Variants in THYN1 observed in about 807,000 individuals in gnomAD.
THYN1 encodes thymocyte nuclear protein 1.
THYN1 carries 32 observed loss-of-function variants against 30.6 expected under a neutral mutation model. The ratio of observed to expected loss-of-function variants is 1.05; its 90% confidence interval spans 0.79 to 1.40. The LOEUF is 1.40. THYN1 is among the 40% of genes most tolerant of loss of function. THYN1 has a pLI of 0.00. For missense variants in THYN1, 259 were observed against 272.6 expected, an observed-to-expected ratio of 0.95 and a Z score of 0.35; for synonymous variants, 107 against 90.8, an observed-to-expected ratio of 1.18 and a Z score of -1.01.
Position 134,253,009 on chromosome 11 carries a change from T to G in THYN1, c.-127A>C. The G allele has an allele frequency of 6.9e-7, 1 of 1,450,724 alleles. No individual in the cohort carries two copies. The highest frequency in any genetic ancestry group is 1.5e-5 in the South Asian group (1 of 68,322). 89.9% of individuals were successfully genotyped at this position (1,450,724 alleles called of 1,614,324 possible). On this transcript the variant is annotated 5_prime_UTR_variant, in exon 1 of 7. Coordinates refer to ENST00000341541, the MANE Select transcript of THYN1 (RefSeq NM_014174.3). Reference sequence around the variant, plus strand: ...GCAACGAGAGGCAGCCTAGAACGTCTCCAACTTTTGCGAAACACAGACGCC... The same window carrying G: ...GCAACGAGAGGCAGCCTAGAACGTCGCCAACTTTTGCGAAACACAGACGCC...
At chr11:134,251,071 T>C (rs1437636255) in intron 2 of THYN1, 59 bp downstream of exon 2, 6 of 1,513,498 alleles carry the variant, frequency 4.0e-6, no homozygotes, top group South Asian at 3.9e-5. Context: ...TGGTGTCCCA[T>C]ATTCACTTCT....
rs1002498162 is a variant in THYN1 at position 134,253,100 on chromosome 11, C to T, written c.-218G>A. On this transcript the variant is annotated 5_prime_UTR_variant, in exon 1 of 7. Transcript: ENST00000341541. ...CATTTCCATCTCGCATAACCTGCCC[C>T]TAAACTCTTCTCGGTTCTGTCCTTG... The T allele has an allele frequency of 6.5e-6, 9 of 1,382,208 alleles. No homozygotes were observed. The highest frequency in any genetic ancestry group is 6.0e-5 in the African/African-American group (4 of 67,222). The allele number at this position is 1,382,208 out of a possible 1,614,324, so 85.6% of individuals were successfully genotyped here. A position where few individuals can be genotyped will look rare whatever the true frequency, so the allele number is the denominator to read the frequency against.
chr11:134,250,631 C>A (rs950957843), intron 2 of THYN1, among the ~76,000 whole-genome samples: 2 of 152,170 alleles, frequency 1.3e-5, no homozygotes, highest in Non-Finnish European at 2.9e-5. Flanking sequence ...TATAATAGTT[C>A]TGCTTATATT....
chr11:134,250,409 G>A (rs1319686629), intron 2 of THYN1, 66 bp from the exon 3 acceptor site: 21 of 1,570,664 alleles, frequency 1.3e-5, no homozygotes. Flanking sequence ...ACATATGGAA[G>A]CAGACAGTTC....
At chr11:134,249,089 T>C in intron 5 of THYN1, 78 bp downstream of exon 5, 1 of 1,551,548 alleles carries the variant, frequency 6.4e-7, no homozygotes, top group Non-Finnish European at 8.8e-7. Flanking sequence ...CCGTGTACCT[T>C]GACCTACAGT....
At position 134,251,164 on chromosome 11, in the gene THYN1, G is replaced by A; in HGVS notation, c.188C>T (p.Pro63Leu). 3 of 1,614,060 alleles carry A rather than the reference G, an allele frequency of 1.9e-6. No homozygotes were observed. Among genetic ancestry groups the A allele is most frequent in the Non-Finnish European group, 2.5e-6 (3 of 1,180,020 alleles). ...LSSHWLMKSE[P>L]ESRLEKGVDV... ...TACACCTTTCTCTAGGCGGCTCTCT[G>A]GCTCTGACTTCATCAGCCAGTGGCT... The change falls in exon 2 of 7, where the codon CCA becomes CTA. Residue 63 changes from proline (P) to leucine (L), a missense_variant. Transcript: ENST00000341541.
chr11:134,248,359 G>T lies in THYN1; in HGVS notation c.*79C>A. 1 of 1,526,126 alleles carries T rather than the reference G, an allele frequency of 6.6e-7. No homozygotes were observed. The highest frequency in any genetic ancestry group is 9.1e-7 in the Non-Finnish European group (1 of 1,099,996). 94.5% of individuals were successfully genotyped at this position (1,526,126 alleles called of 1,614,324 possible). On this transcript the variant is annotated 3_prime_UTR_variant, in exon 7 of 7. Transcript: ENST00000341541. ...AAGCCCAGGTAAGCATACCAAGCAA[G>T]CCCCCTCACACCTTTTGTCTGAAAA...
chr11:134,249,248 A>G lies in THYN1; in HGVS notation c.399T>C (p.Ala133=). Reference sequence around the variant, plus strand: ...TCTCAAACTGTGTGTGGTCTGGGTAAGCCTCTTTCACGATCTGAAACCAAA... The same window carrying G: ...TCTCAAACTGTGTGTGGTCTGGGTAGGCCTCTTTCACGATCTGAAACCAAA... ...IAGLMKIVKE[A]YPDHTQFEKN... Residue 133 remains alanine (A), a synonymous_variant, in exon 5 of 7, where the codon GCT becomes GCC. Coordinates refer to ENST00000341541, the MANE Select transcript of THYN1 (RefSeq NM_014174.3). 1.2e-6 allele frequency: 2 copies of G among 1,614,214 alleles called. No individual in the cohort carries two copies. Among genetic ancestry groups the G allele is most frequent in the Non-Finnish European group, 1.7e-6 (2 of 1,180,038 alleles).
rs775632191 is a variant in THYN1 at position 134,248,299 on chromosome 11, A to G, written c.*139T>C. ...AAAAGTTCTTCAACTTTGATATTTT[A>G]TTGAAAAAAGTACACAAAAACCACT... is the stretch of plus-strand genomic sequence containing the variant. On this transcript the variant is annotated 3_prime_UTR_variant, in exon 7 of 7. Transcript: ENST00000341541. The G allele has an allele frequency of 5.0e-6, 5 of 1,005,180 alleles. No homozygotes were observed. In the Admixed American group the frequency reaches 8.5e-5, roughly 17 times the overall value. 62.3% of individuals were successfully genotyped at this position (1,005,180 alleles called of 1,614,324 possible).
In THYN1 at chr11:134,249,211, G is replaced by T; in HGVS notation, c.436C>A (p.His146Asn). The T allele has an allele frequency of 1.2e-6, 2 of 1,614,146 alleles. No individual in the cohort carries two copies. Among genetic ancestry groups the T allele is most frequent in the Non-Finnish European group, 8.5e-7 (1 of 1,180,022 alleles). The change falls in exon 5 of 7, where the codon CAT becomes AAT. Residue 146 changes from histidine to asparagine, a missense_variant. Transcript: ENST00000341541. ...TCCTCTTTGCTAGATGGGTCATAATGGGGATTGTTTTTCTCAAACTGTGTG... is the reference window on the plus strand; with the variant it reads ...TCCTCTTTGCTAGATGGGTCATAATTGGGATTGTTTTTCTCAAACTGTGTG... ...DHTQFEKNNP[H>N]YDPSSKEDNP...
intron 4 of THYN1, 115 bp downstream of exon 4, chr11:134,249,713 T>TG: frequency 1.0e-6 from 1 of 954,734 alleles, no homozygotes; most frequent in Non-Finnish European, 1.6e-6. Context: ...AAAAGGGGGA[T>TG]GGGGTGGGGG....
At position 134,252,859 on chromosome 11, in the gene THYN1, C is replaced by A. The variant is rs773200880; in HGVS notation, c.24G>T (p.Leu8=). The A allele has an allele frequency of 1.4e-5, 22 of 1,609,370 alleles. No homozygotes were observed. The East Asian group carries it at 4.5e-4, about 33-fold the overall frequency. Residue 8 remains leucine, a synonymous_variant, in exon 1 of 7, where the codon CTG becomes CTT. Coordinates refer to ENST00000341541, the MANE Select transcript of THYN1 (RefSeq NM_014174.3). ...GCTCACCTGAACCAGAAGTCCCAGCCAGCCTCTTCCGGGGTCTCGACATGG... is the reference window on the plus strand; with the variant it reads ...GCTCACCTGAACCAGAAGTCCCAGCAAGCCTCTTCCGGGGTCTCGACATGG... MSRPRKR[L]AGTSGSDKGL...
At chr11:134,249,738 TG>T in intron 4 of THYN1, 89 bp downstream of exon 4, 1 of 1,303,974 alleles carries the variant, frequency 7.7e-7, no homozygotes. Flanking sequence ...TGTACTTTTT[TG>T]TTGCCTAATT....
rs1433041803 is a variant in THYN1, at chr11:134,248,919, G to A, written c.521C>T (p.Pro174Leu). 2 of 1,614,026 alleles carry A rather than the reference G, an allele frequency of 1.2e-6. No individual in the cohort carries two copies. The highest frequency in any genetic ancestry group is 1.7e-6 in the Non-Finnish European group (2 of 1,180,038). Residue 174 changes from proline (P) to leucine (L), a missense_variant, in exon 6 of 7, where the codon CCC becomes CTC. By Grantham distance (98) the Pro-to-Leu change is moderately conservative. Coordinates refer to ENST00000341541, the MANE Select transcript of THYN1 (RefSeq NM_014174.3). ...QFVRMMKRFI[P>L]LAELKSYHQA... Reference sequence around the variant, plus strand: ...ATGATAGGATTTGAGCTCAGCCAGGGGAATGAAACGTTTCATCATCCGAAC... The same window carrying A: ...ATGATAGGATTTGAGCTCAGCCAGGAGAATGAAACGTTTCATCATCCGAAC...
chr11:134,249,887 CT>C lies in THYN1; in HGVS notation c.324del (p.Glu109LysfsTer19). 1 of 1,614,160 alleles carries C rather than the reference CT, an allele frequency of 6.2e-7. No individual in the cohort carries two copies. Among genetic ancestry groups the C allele is most frequent in the Non-Finnish European group, 8.5e-7 (1 of 1,180,020 alleles). On this transcript the variant is annotated frameshift_variant, in exon 4 of 7. Transcript: ENST00000341541. LOFTEE classifies it high-confidence loss of function. ...ARNFLRAMKL[G>X]EEAFFYHSNC... ...TTGCTATGGTAGAAGAAGGCTTCTT[CT>C]CCCAGCTTCATGGCTCTAAGGAAGT...
intron 1 of THYN1, chr11:134,251,840 G>A (rs1158005244): frequency 1.3e-5 from 2 of 152,318 alleles, no homozygotes; most frequent in Non-Finnish European, 2.9e-5. Flanking sequence ...GTTCATTCAG[G>A]ACATTGTAGA....
rs557968565 is a variant in THYN1, at chr11:134,253,081, C to T, written c.-199G>A. On this transcript the variant is annotated 5_prime_UTR_variant, in exon 1 of 7. It removes an upstream start codon present in the reference 5' UTR. Coordinates refer to ENST00000341541, the MANE Select transcript of THYN1 (RefSeq NM_014174.3). ...TTCCCTCCGTTATCTGCGCCATTTCCATCTCGCATAACCTGCCCCTAAACT... is the reference window on the plus strand; with the variant it reads ...TTCCCTCCGTTATCTGCGCCATTTCTATCTCGCATAACCTGCCCCTAAACT... 79 of 1,389,274 alleles carry T rather than the reference C, an allele frequency of 5.7e-5. 1 individual carries two copies. The South Asian group carries it at 1.2e-3, about 21-fold the overall frequency. The allele number at this position is 1,389,274 out of a possible 1,614,324, so 86.1% of individuals were successfully genotyped here.
In THYN1 at chr11:134,250,303, G is replaced by A; in HGVS notation, c.263C>T (p.Thr88Ile). 1 of 1,614,136 alleles carries A rather than the reference G, an allele frequency of 6.2e-7. No homozygotes were observed. Among genetic ancestry groups the A allele is most frequent in the Non-Finnish European group, 8.5e-7 (1 of 1,180,028 alleles). Reference sequence around the variant, plus strand: ...GTAGTTACGAACACCATCCCAGCATGTTGTCTGTTTGGGCTGTGCTTTGAG... The same window carrying A: ...GTAGTTACGAACACCATCCCAGCATATTGTCTGTTTGGGCTGTGCTTTGAG... The part of the protein sequence containing the change: ...EDLKAQPKQT[T>I]CWDGVRNYQA... The change falls in exon 3 of 7, where the codon ACA (threonine) becomes ATA (isoleucine). Residue 88 changes from threonine to isoleucine, a missense_variant. Coordinates refer to ENST00000341541, the MANE Select transcript of THYN1 (RefSeq NM_014174.3).
intron 1 of THYN1, among the ~76,000 whole-genome samples, chr11:134,252,613 C>CA (rs1194530072): frequency 1.3e-5 from 2 of 152,136 alleles, no homozygotes; most frequent in African/African-American, 4.8e-5. Context: ...CCTGGTATCT[C>CA]AAAGAGTCTT....
Sources: gnomAD v4.1 joint callset for allele counts (sites outside exome capture counted in the v4.1 genomes callset) on GRCh38, gnomAD v4.1.1 for gene constraint, MANE v1.5 for transcripts, NCBI Gene and HGNC (gene_info 2026-07-23, HGNC 2026-07-21) for gene names.